Variants in FBRSL1 observed in about 807,000 individuals in gnomAD.
The protein encoded by FBRSL1 is fibrosin like 1.
A neutral mutation model predicts 89.6 loss-of-function variants in FBRSL1; 51 were observed. The observed-to-expected ratio is 0.57, with a 90% CI of 0.45 to 0.72. The LOEUF is 0.72. FBRSL1 is among the 30% of genes least tolerant of loss of function. The pLI, the probability that FBRSL1 is intolerant of heterozygous loss-of-function variation, is 0.00. For synonymous variants in FBRSL1, 779 were observed against 681.1 expected (o/e 1.14, Z -2.24); for missense variants, 1,618 against 1,451.8 (o/e 1.11, Z -1.86).
At chr12:132,568,047 C>T (rs1175790392) in intron 6 of FBRSL1, among the ~76,000 whole-genome samples, 6 of 148,304 alleles carry the variant, frequency 4.0e-5, no homozygotes, top group African/African-American at 1.6e-4. Context: ...GAGGGGGTAG[C>T]CCCGGCGTCT....
In FBRSL1 at chr12:132,531,655, TTGGCGTTGTGTGTTGTGCACG is replaced by T. The variant is rs1256533628; in HGVS notation, c.615+3697_615+3717del. 8.2e-3 allele frequency among the ~76,000 whole-genome samples: 1,252 copies of T among 152,054 alleles called. 24 individuals are homozygous for T. Among genetic ancestry groups the T allele is most frequent in the Admixed American group, 0.045 (684 of 15,266 alleles). ...GCACATGGCGTTGCGTGTTGTGCACTTGGCGTTGTGTGTTGTGCACGTGGCGTTGTGTGTTGTGCACGTGGC... is the reference window on the plus strand; with the variant it reads ...GCACATGGCGTTGCGTGTTGTGCACTTGGCGTTGTGTGTTGTGCACGTGGC... On this transcript the variant is annotated intron_variant, in intron 4 of 18. Transcript: ENST00000680143.
intron 4 of FBRSL1, among the ~76,000 whole-genome samples, chr12:132,539,727 C>G (rs972002035): frequency 1.2e-5 from 1 of 80,476 alleles, no homozygotes; most frequent in Admixed American, 1.2e-4. Flanking sequence ...GTCTCCCAGC[C>G]CCGTGCCCCC....
intron 5 of FBRSL1, chr12:132,551,330 G>A (rs1306303664): frequency 2.2e-6 from 1 of 444,928 alleles, no homozygotes; most frequent in Non-Finnish European, 4.6e-6. Flanking sequence ...ACATGGCCTG[G>A]CTGCTCCCGG....
At position 132,584,621 on chromosome 12, in the gene FBRSL1, G is replaced by C. The variant is rs547190501; in HGVS notation, c.*843G>C. 2.1e-5 allele frequency: 1 copy of C among 47,892 alleles called. No individual in the cohort carries two copies. Among genetic ancestry groups the C allele is most frequent in the Non-Finnish European group, 3.7e-5 (1 of 26,840 alleles). 3.0% of individuals were successfully genotyped at this position (47,892 alleles called of 1,614,324 possible). A position where few individuals can be genotyped will look rare whatever the true frequency, so the allele number is the denominator to read the frequency against. ...CAGCGACCTCCCAGCCCCTGGGTCC[G>C]TGGAGGGGTTGGGTCCCCCAGCAGA... On this transcript the variant is annotated 3_prime_UTR_variant, in exon 19 of 19. Transcript: ENST00000680143.
At chr12:132,571,500 G>A (rs778230623) in intron 9 of FBRSL1, 21 of 1,524,792 alleles carry the variant, frequency 1.4e-5, no homozygotes, top group Admixed American at 4.0e-5. Flanking sequence ...GGCTGCCCCC[G>A]ACGCCGCCCG....
intron 5 of FBRSL1, among the ~76,000 whole-genome samples, chr12:132,548,551 C>G (rs12372596): frequency 0.16 from 24,506 of 152,232 alleles, 2,855 homozygotes; most frequent in East Asian, 0.4. Context: ...GGAGTGAACC[C>G]CCCGGGCAGC....
rs1354795098 is a variant in FBRSL1 at position 132,574,152 on chromosome 12, G to A, written c.1593G>A (p.Ala531=). 37 of 1,416,898 alleles carry A rather than the reference G, an allele frequency of 2.6e-5. No homozygotes were observed. In the Admixed American group the frequency reaches 8.1e-4, roughly 31 times the overall value. 87.8% of individuals were successfully genotyped at this position (1,416,898 alleles called of 1,614,324 possible). ...CGGTTCACACACTCCTGCAGAAAGC[G>A]CCTGGGGTAGGTGTTAGTGGGCGCC... ...AGAVHTLLQK[A]PGVSDPYRAV... Residue 531 remains alanine, a synonymous_variant, in exon 12 of 19, where the codon GCG becomes GCA. Coordinates refer to ENST00000680143, the MANE Select transcript of FBRSL1 (RefSeq NM_001367871.1).
In FBRSL1 at chr12:132,504,420, G is replaced by A. The variant is rs117235244; in HGVS notation, c.292-3733G>A. ...GTCTAGCAATGTCACGGCAGCCTGC[G>A]CCCAGCCCTGGTGGTCCTCCTGGGA... is the stretch of plus-strand genomic sequence containing the variant. On this transcript the variant is annotated intron_variant, in intron 1 of 18. Coordinates refer to ENST00000680143, the MANE Select transcript of FBRSL1 (RefSeq NM_001367871.1). Among the ~76,000 whole-genome samples, 1,789 of 152,284 alleles carry A rather than the reference G, an allele frequency of 0.012. 47 individuals carry two copies. The East Asian group carries it at 0.12, about 10-fold the overall frequency.
chr12:132,572,405 G>A (rs555708784), intron 10 of FBRSL1, 61 bp downstream of exon 10: 45 of 1,529,060 alleles, frequency 2.9e-5, no homozygotes, highest in Middle Eastern at 1.7e-4. Flanking sequence ...GCCACGGGGC[G>A]GTGGGTGGGG....
chr12:132,559,736 G>GGGTGGC (rs2038952002), intron 5 of FBRSL1, among the ~76,000 whole-genome samples: 1 of 152,206 alleles, frequency 6.6e-6, no homozygotes, highest in South Asian at 2.1e-4. Context: ...TCTGGGAGCG[G>GGGTGGC]GGTGGCAGGT....
intron 1 of FBRSL1, among the ~76,000 whole-genome samples, chr12:132,496,261 G>A (rs962913107): frequency 2.0e-5 from 3 of 152,162 alleles, no homozygotes; most frequent in Non-Finnish European, 4.4e-5. Flanking sequence ...CTGTCCTTAC[G>A]GGGAGGTCTG....
intron 5 of FBRSL1, chr12:132,566,469 A>G (rs1408664456): frequency 7.0e-6 from 1 of 143,716 alleles, no homozygotes; most frequent in African/African-American, 2.6e-5. Context: ...GGTCATTCTT[A>G]TGAAGCTCAT....
At position 132,574,815 on chromosome 12, in the gene FBRSL1, G is replaced by A. The variant is rs8181782; in HGVS notation, c.1701+251G>A. On this transcript the variant is annotated intron_variant, in intron 14 of 18. Coordinates refer to ENST00000680143, the MANE Select transcript of FBRSL1 (RefSeq NM_001367871.1). ...CGGCAAGGTGTGCCGGCTGGGCCAC[G>A]GGGAGCAGAGCAGGGGCACGGGGTG... 0.013 allele frequency among the ~76,000 whole-genome samples: 1,930 copies of A among 152,226 alleles called. 58 individuals carry two copies. In the East Asian group the frequency reaches 0.14, roughly 11 times the overall value.
chr12:132,504,417 T>C (rs1365367693), intron 1 of FBRSL1, among the ~76,000 whole-genome samples: 2 of 152,186 alleles, frequency 1.3e-5, no homozygotes, highest in South Asian at 4.1e-4. Context: ...CACGGCAGCC[T>C]GCGCCCAGCC....
At chr12:132,510,648 C>T in intron 2 of FBRSL1, 1 of 1,229,828 alleles carries the variant, frequency 8.1e-7, no homozygotes, top group South Asian at 4.3e-5. Context: ...CCCTACAGTG[C>T]CACGATCAGG....
chr12:132,511,666 G>A, intron 2 of FBRSL1: 1 of 985,502 alleles, frequency 1.0e-6, no homozygotes, highest in Non-Finnish European at 1.2e-6. Flanking sequence ...TGCCCAGCTG[G>A]GCTGCCTCAG....
chr12:132,557,191 G>C (rs1245415898), intron 5 of FBRSL1, among the ~76,000 whole-genome samples: 1 of 152,230 alleles, frequency 6.6e-6, no homozygotes. Flanking sequence ...GGCAGACGCA[G>C]TTACAGTGTT....
At position 132,582,020 on chromosome 12, in the gene FBRSL1, G is replaced by A. The variant is rs529593544; in HGVS notation, c.1997-42G>A. Reference sequence around the variant, plus strand: ...GGTTCTCCTGGGGAGTGGCTGGGGAGCAGACAGACCCAACCTCATGCTCCC... The same window carrying A: ...GGTTCTCCTGGGGAGTGGCTGGGGAACAGACAGACCCAACCTCATGCTCCC... On this transcript the variant is annotated intron_variant, in intron 17 of 18. Coordinates refer to ENST00000680143, the MANE Select transcript of FBRSL1 (RefSeq NM_001367871.1). 26 of 1,479,816 alleles carry A rather than the reference G, an allele frequency of 1.8e-5. 1 individual carries two copies. In the East Asian group the frequency reaches 3.2e-4, roughly 18 times the overall value. 91.7% of individuals were successfully genotyped at this position (1,479,816 alleles called of 1,614,324 possible).
intron 3 of FBRSL1, among the ~76,000 whole-genome samples, chr12:132,526,599 G>T (rs1206887940): frequency 6.6e-6 from 1 of 152,188 alleles, no homozygotes; most frequent in Non-Finnish European, 1.5e-5. Flanking sequence ...CCCCGGCAAG[G>T]GTCTGTCTTG....
Sources: allele counts gnomAD v4.1 joint callset (sites outside exome capture counted in the v4.1 genomes callset), GRCh38; gene constraint gnomAD v4.1.1; transcripts MANE v1.5; gene names NCBI Gene and HGNC (gene_info 2026-07-23, HGNC 2026-07-21).